NEDD4: variants seen among roughly 807,000 people sequenced by gnomAD.
The protein encoded by NEDD4 is NEDD4 E3 ubiquitin protein ligase.
In NEDD4, 99 loss-of-function variants were observed where a neutral mutation model predicts 144.9. That is an observed-to-expected ratio of 0.68 (90% CI 0.58 to 0.81). The LOEUF (loss-of-function observed/expected upper bound fraction) is 0.81, where lower values mean the gene tolerates loss of function less well. Ranked by LOEUF, NEDD4 falls within the 30% of genes least tolerant of loss-of-function variation. NEDD4 has a pLI of 0.00. For missense variants in NEDD4, 985 were observed against 1,065.9 expected, an observed-to-expected ratio of 0.92 and a Z score of 1.06; for synonymous variants, 318 against 350.6, an observed-to-expected ratio of 0.91 and a Z score of 1.04.
intron 2 of NEDD4, among the ~76,000 whole-genome samples, chr15:55,962,759 G>A (rs2037446004): frequency 6.6e-6 from 1 of 151,152 alleles, no homozygotes; most frequent in African/African-American, 2.4e-5. Flanking sequence ...TACTTTTTTT[G>A]TTCATTTGTT....
chr15:55,943,703 G>C (rs530701730), intron 4 of NEDD4, among the ~76,000 whole-genome samples: 2 of 152,234 alleles, frequency 1.3e-5, no homozygotes. Context: ...TATTAGGGCA[G>C]TGTGGATGGG....
chr15:55,872,831 ATTCTAGGAGATC>A (rs2034851831), intron 6 of NEDD4, among the ~76,000 whole-genome samples: 1 of 152,052 alleles, frequency 6.6e-6, no homozygotes, highest in Non-Finnish European at 1.5e-5. Flanking sequence ...CATAGAGATA[ATTCTAGGAGATC>A]AAAAAAGTCA....
At chr15:55,980,453 G>C (rs1037922097) in intron 1 of NEDD4, among the ~76,000 whole-genome samples, 1 of 152,080 alleles carries the variant, frequency 6.6e-6, no homozygotes, top group East Asian at 1.9e-4. Context: ...TATAAATCCT[G>C]ATATGTGAGA....
At chr15:55,983,541 T>G (rs1725965895) in intron 1 of NEDD4, among the ~76,000 whole-genome samples, 1 of 152,024 alleles carries the variant, frequency 6.6e-6, no homozygotes, top group Non-Finnish European at 1.5e-5. Flanking sequence ...CTCCTATTCA[T>G]CCTTAGTTTC....
At chr15:55,916,790 G>A in intron 5 of NEDD4, 1 of 1,609,382 alleles carries the variant, frequency 6.2e-7, no homozygotes, top group Non-Finnish European at 8.5e-7. Flanking sequence ...GGTAAGTATT[G>A]CTTCTTCTGG....
intron 1 of NEDD4, among the ~76,000 whole-genome samples, chr15:55,986,924 A>G (rs2037905700): frequency 6.6e-6 from 1 of 152,288 alleles, no homozygotes; most frequent in Non-Finnish European, 1.5e-5. Flanking sequence ...ACTGTCTAGG[A>G]TAAGAAAAAC....
chr15:55,983,275 TGAC>T (rs144942835), intron 1 of NEDD4, among the ~76,000 whole-genome samples: 28,401 of 151,608 alleles, frequency 0.19, 3,214 homozygotes, highest in Non-Finnish European at 0.27. Context: ...ATGTTGATGA[TGAC>T]GACAATGGTG....
intron 5 of NEDD4, among the ~76,000 whole-genome samples, chr15:55,886,545 T>A (rs1297084954): frequency 6.6e-6 from 1 of 152,128 alleles, no homozygotes; most frequent in African/African-American, 2.4e-5. Flanking sequence ...GGTGGGTGGA[T>A]CACGAGGTCA....
chr15:55,986,620 C>T (rs1031083947), intron 1 of NEDD4, among the ~76,000 whole-genome samples: 10 of 129,812 alleles, frequency 7.7e-5, no homozygotes, highest in African/African-American at 1.5e-4. Context: ...GACGGAGTCT[C>T]GCTCCGTCGC....
At chr15:55,975,427 A>G (rs1423260730) in intron 1 of NEDD4, among the ~76,000 whole-genome samples, 1 of 152,188 alleles carries the variant, frequency 6.6e-6, no homozygotes, top group Admixed American at 6.5e-5. Flanking sequence ...AATCAGTAGC[A>G]TTTATTTTAA....
chr15:55,965,377 A>G (rs1018351020), intron 2 of NEDD4, among the ~76,000 whole-genome samples: 1 of 151,742 alleles, frequency 6.6e-6, no homozygotes, highest in Non-Finnish European at 1.5e-5. Flanking sequence ...GATTTTTTGT[A>G]CTTTTTGTAG....
At chr15:55,845,801 T>C (rs2033715813) in intron 18 of NEDD4, among the ~76,000 whole-genome samples, 1 of 150,820 alleles carries the variant, frequency 6.6e-6, no homozygotes, top group South Asian at 2.1e-4. Flanking sequence ...CTTTTTTCTT[T>C]TTTTTTTTTT....
intron 1 of NEDD4, among the ~76,000 whole-genome samples, chr15:55,977,463 T>C (rs1378790649): frequency 1.3e-5 from 2 of 152,212 alleles, no homozygotes; most frequent in Non-Finnish European, 2.9e-5. Flanking sequence ...TTTCTCAGAA[T>C]GTATCCGTTG....
chr15:55,926,054 TAAAATACATATACGTATGTA>T (rs1384842100), intron 4 of NEDD4, among the ~76,000 whole-genome samples: 6 of 152,152 alleles, frequency 3.9e-5, no homozygotes, highest in East Asian at 1.9e-4. Flanking sequence ...ATACAGTATG[TAAAATACATATACGTATGTA>T]AAAATACATA....
At position 55,837,803 on chromosome 15, in the gene NEDD4, C is replaced by A; in HGVS notation, c.2248G>T (p.Ala750Ser). 1.9e-6 allele frequency: 3 copies of A among 1,611,440 alleles called. No individual in the cohort carries two copies. Among genetic ancestry groups the A allele is most frequent in the Non-Finnish European group, 2.5e-6 (3 of 1,178,126 alleles). ...AAAATGAATACCTCTTTAAAAGCAG[C>A]CATTTGCTTCTGGATTCGGTTTACA... is the stretch of plus-strand genomic sequence containing the variant. Reference protein sequence around the residue: ...RFVNRIQKQMAAFKEGFFELI... With the variant: ...RFVNRIQKQMSAFKEGFFELI... The change falls in exon 24 of 29, where the codon GCT (alanine) becomes TCT (serine). Residue 750 changes from alanine (A) to serine (S), a missense_variant. Ala to Ser is a moderately conservative substitution (Grantham distance 99, BLOSUM62 1). Transcript: ENST00000435532.
intron 1 of NEDD4, among the ~76,000 whole-genome samples, chr15:55,981,499 A>G (rs533956724): frequency 1.2e-4 from 18 of 152,196 alleles, no homozygotes; most frequent in Non-Finnish European, 2.1e-4. Context: ...GATCTATAAA[A>G]ATATAAGTGG....
In NEDD4 at chr15:55,852,523, T is replaced by A. The variant is rs573754191; in HGVS notation, c.1047A>T (p.Gly349=). 3.7e-6 allele frequency: 6 copies of A among 1,613,088 alleles called. No individual in the cohort carries two copies. Among genetic ancestry groups the A allele is most frequent in the Non-Finnish European group, 5.1e-6 (6 of 1,179,604 alleles). Residue 349 remains glycine (G), a synonymous_variant, in exon 13 of 29, where the codon GGA becomes GGT. Transcript: ENST00000435532. The part of the protein sequence containing the change: ...TLPVLLPTSS[G]LPPGWEEKQD... ...GTTTTTCTTCCCAACCTGGTGGTAA[T>A]CCAGATGAAGTAGGCAAAAGCTAAA... is the stretch of plus-strand genomic sequence containing the variant.
Position 55,865,111 on chromosome 15 carries a change from T to C in NEDD4, c.508-2032A>G, listed in dbSNP as rs549171285. 1.3e-4 allele frequency among the ~76,000 whole-genome samples: 19 copies of C among 151,300 alleles called. No homozygotes were observed. In the South Asian group the frequency reaches 3.5e-3, roughly 28 times the overall value. ...TACTCGAGAGGCTGGGGCAGGAGAA[T>C]TGCTTGAGCCCAGGAGGCAGAGGTT... On this transcript the variant is annotated intron_variant, in intron 8 of 28. Coordinates refer to ENST00000435532, the MANE Select transcript of NEDD4 (RefSeq NM_006154.4).
At chr15:55,944,987 C>G (rs1162575550) in intron 4 of NEDD4, among the ~76,000 whole-genome samples, 2 of 152,116 alleles carry the variant, frequency 1.3e-5, no homozygotes, top group African/African-American at 4.8e-5. Flanking sequence ...AGGACATACA[C>G]ACCAAAACCC....
Sources: allele counts gnomAD v4.1 joint callset (sites outside exome capture counted in the v4.1 genomes callset), GRCh38; gene constraint gnomAD v4.1.1; transcripts MANE v1.5; gene names NCBI Gene and HGNC (gene_info 2026-07-23, HGNC 2026-07-21).